Variants in CLDN14 observed in about 807,000 individuals in gnomAD.
The protein encoded by CLDN14 is claudin 14, also known as claudin-14.
In CLDN14, 2 loss-of-function variants were observed where a neutral mutation model predicts 2.1. The ratio of observed to expected loss-of-function variants is 0.96; its 90% confidence interval spans 0.39 to 3.01. The LOEUF (loss-of-function observed/expected upper bound fraction) is 3.01, where lower values mean the gene tolerates loss of function less well. CLDN14 is among the 30% of genes most tolerant of loss of function. CLDN14 has a pLI of 0.09. For synonymous variants in CLDN14, 136 were observed against 154.4 expected (o/e 0.88, Z 0.88); for missense variants, 298 against 328.0 (o/e 0.91, Z 0.71).
rs905218796 is a variant in CLDN14, at chr21:36,544,530, G to C, written c.-220+31881C>G. 1.3e-5 allele frequency among the ~76,000 whole-genome samples: 2 copies of C among 152,220 alleles called. No homozygotes were observed. Among genetic ancestry groups the C allele is most frequent in the African/African-American group, 2.4e-5 (1 of 41,438 alleles). Reference sequence around the variant, plus strand: ...TTTAGGAAGGAGAGGCAAATTTGAGGCTGGGGAGAATTTGAATTTTCCTGT... The same window carrying C: ...TTTAGGAAGGAGAGGCAAATTTGAGCCTGGGGAGAATTTGAATTTTCCTGT... On this transcript the variant is annotated intron_variant, in intron 1 of 2. Coordinates refer to the CLDN14 transcript ENST00000342108. This position sits in a 1 kb window ranked among gnomAD's most constrained non-coding sequence, Gnocchi z 4.1.
intron 1 of CLDN14, among the ~76,000 whole-genome samples, chr21:36,547,775 T>G (rs1318793260): frequency 6.6e-6 from 1 of 152,220 alleles, no homozygotes; most frequent in African/African-American, 2.4e-5. Flanking sequence ...GGTCCACTCC[T>G]GCCTCCATCA....
intron 1 of CLDN14, among the ~76,000 whole-genome samples, chr21:36,565,421 CTTTTTTT>C (rs35387904): frequency 1.3e-5 from 2 of 149,642 alleles, no homozygotes; most frequent in African/African-American, 4.9e-5. Context: ...TTTCCCAAAT[CTTTTTTT>C]TTTTAAATAT....
At chr21:36,463,371 G>A (rs1347794873) in intron 1 of CLDN14, among the ~76,000 whole-genome samples, 1 of 152,234 alleles carries the variant, frequency 6.6e-6, no homozygotes, top group Non-Finnish European at 1.5e-5. Flanking sequence ...CTGCAGGCAG[G>A]AAAAGCGGGT....
At chr21:36,482,010 A>C (rs977697090), upstream of CLDN14, among the ~76,000 whole-genome samples, 2 of 152,028 alleles carry the variant, frequency 1.3e-5, no homozygotes, top group East Asian at 1.9e-4. Flanking sequence ...TTCTCTCCCA[A>C]TCCTCTCCCT....
At chr21:36,470,180 C>T (rs2086693481) in intron 1 of CLDN14, among the ~76,000 whole-genome samples, 1 of 152,112 alleles carries the variant, frequency 6.6e-6, no homozygotes, top group Non-Finnish European at 1.5e-5. Context: ...AATGGATTGA[C>T]CTGGTCCCCC....
upstream of CLDN14, chr21:36,480,268 A>G (rs1278916367): frequency 2.0e-5 from 3 of 152,338 alleles, no homozygotes; most frequent in African/African-American, 4.8e-5. Context: ...TGTTGGTGGA[A>G]TGTGGAGCTG....
At chr21:36,484,255 T>A (rs2086873699), upstream of CLDN14, among the ~76,000 whole-genome samples, 1 of 152,216 alleles carries the variant, frequency 6.6e-6, no homozygotes, top group South Asian at 2.1e-4. Flanking sequence ...AGATTCTGGA[T>A]TCAAAAGCCC....
intron 1 of CLDN14, among the ~76,000 whole-genome samples, chr21:36,558,314 T>A (rs1185992781): frequency 6.6e-6 from 1 of 152,208 alleles, no homozygotes; most frequent in Admixed American, 6.5e-5. Context: ...TTCTGTTTCT[T>A]TGAAAAATGC....
At chr21:36,528,841 C>T (rs2087356300) in intron 1 of CLDN14, among the ~76,000 whole-genome samples, 1 of 152,174 alleles carries the variant, frequency 6.6e-6, no homozygotes, top group Non-Finnish European at 1.5e-5. Flanking sequence ...TCCTCCTCTC[C>T]CCCTTCTCCA....
Position 36,461,544 on chromosome 21 carries a change from C to T in CLDN14, c.152G>A (p.Trp51Ter). The T allele has an allele frequency of 1.2e-6, 2 of 1,613,412 alleles. No individual in the cohort carries two copies. Among genetic ancestry groups the T allele is most frequent in the East Asian group, 2.2e-5 (1 of 44,864 alleles). ...LTAVSYLKGL[W>*]MECVWHSTGI... Reference sequence around the variant, plus strand: ...TGTGCTGTGCCACACACACTCCATCCAGAGCCCTTTCAGGTAGGACACGGC... The same window carrying T: ...TGTGCTGTGCCACACACACTCCATCTAGAGCCCTTTCAGGTAGGACACGGC... The change falls in exon 2 of 2, where the codon TGG (tryptophan) becomes TAG (stop). Residue 51 changes from tryptophan to a stop codon, truncating the protein, a stop_gained. Coordinates refer to ENST00000399135, the MANE Select transcript of CLDN14 (RefSeq NM_001146079.2). LOFTEE classifies it low-confidence loss of function (END_TRUNC).
At chr21:36,541,957 A>G (rs939672092) in intron 1 of CLDN14, among the ~76,000 whole-genome samples, 4 of 151,938 alleles carry the variant, frequency 2.6e-5, no homozygotes, top group African/African-American at 9.7e-5. Context: ...AGTTGGCTGT[A>G]GACTTTCTTT....
intron 1 of CLDN14, among the ~76,000 whole-genome samples, chr21:36,524,066 C>A (rs13433485): frequency 6.6e-6 from 1 of 151,926 alleles, no homozygotes; most frequent in Non-Finnish European, 1.5e-5. Context: ...TTTTTTAGAT[C>A]TATACCCATC....
chr21:36,559,750 A>C (rs937556933), intron 1 of CLDN14, among the ~76,000 whole-genome samples: 3 of 152,244 alleles, frequency 2.0e-5, no homozygotes, highest in Admixed American at 1.3e-4. Flanking sequence ...AAAAACTAAA[A>C]TATTTCTCTC....
chr21:36,540,655 G>T (rs1354369925), intron 1 of CLDN14, among the ~76,000 whole-genome samples: 2 of 151,812 alleles, frequency 1.3e-5, no homozygotes, highest in Non-Finnish European at 2.9e-5. Context: ...GAGAGGGGAG[G>T]GAGGGACTGG....
rs58458004 is a variant in CLDN14, at chr21:36,501,332, CTTTTTTTTTTTTTTTTT to C, written c.-82+9014_-82+9030del. On this transcript the variant is annotated intron_variant, in intron 2 of 2. Transcript: ENST00000342108. ...AATGGGAGTTTCAGTCAATATCTCACTTTTTTTTTTTTTTTTTTTTTTTTTTTTTTTTTTTTAGAAAA... is the reference window on the plus strand; with the variant it reads ...AATGGGAGTTTCAGTCAATATCTCACTTTTTTTTTTTTTTTTTTTAGAAAA... Among the ~76,000 whole-genome samples the C allele has an allele frequency of 8.9e-4, 43 of 48,444 alleles. 1 individual carries two copies. The South Asian group carries it at 0.038, about 43-fold the overall frequency. The allele number at this position is 48,444 out of a possible 152,430, so 31.8% of individuals were successfully genotyped here. A position where few individuals can be genotyped will look rare whatever the true frequency, so the allele number is the denominator to read the frequency against.
At chr21:36,574,411 A>G (rs1301427843) in intron 1 of CLDN14, among the ~76,000 whole-genome samples, 2 of 152,370 alleles carry the variant, frequency 1.3e-5, no homozygotes, top group African/African-American at 4.8e-5. Flanking sequence ...CCAACAACAC[A>G]GATGAATCTC....
intron 2 of CLDN14, among the ~76,000 whole-genome samples, chr21:36,509,710 G>A (rs893350050): frequency 1.3e-5 from 2 of 152,094 alleles, no homozygotes; most frequent in African/African-American, 2.4e-5. Context: ...ATTCTAATGC[G>A]TCAGCCTCCC....
At position 36,492,168 on chromosome 21, in the gene CLDN14, C is replaced by CGA. The variant is rs1307265799; in HGVS notation, c.-82+18194_-82+18195insTC. On this transcript the variant is annotated intron_variant, in intron 2 of 2. Coordinates refer to the CLDN14 transcript ENST00000342108. ...AAAATGCAAGGGCCGGGCGCGGTGG[C>CGA]TCACGCCTGTAATCCCAGCACTTTG... Among the ~76,000 whole-genome samples the CGA allele has an allele frequency of 8.3e-3, 1,060 of 127,150 alleles. 10 individuals are homozygous for CGA. The highest frequency in any genetic ancestry group is 0.034 in the East Asian group (96 of 2,794). 83.4% of individuals were successfully genotyped at this position (127,150 alleles called of 152,430 possible). A position where few individuals can be genotyped will look rare whatever the true frequency, so the allele number is the denominator to read the frequency against.
chr21:36,557,701 A>G (rs449940), intron 1 of CLDN14, among the ~76,000 whole-genome samples: 113,492 of 152,114 alleles, frequency 0.75, 43,916 homozygotes, highest in Non-Finnish European at 0.87. Context: ...CATCAGATAC[A>G]TTATTTGCAA....
Sources: allele counts gnomAD v4.1 joint callset (sites outside exome capture counted in the v4.1 genomes callset), GRCh38; gene constraint gnomAD v4.1.1; non-coding constraint Gnocchi (gnomAD v3.1); transcripts MANE v1.5; gene names NCBI Gene and HGNC (gene_info 2026-07-23, HGNC 2026-07-21).